Variants in DNAH9 observed in about 807,000 individuals in gnomAD.
The protein encoded by DNAH9 is dynein axonemal heavy chain 9.
DNAH9 carries 345 observed loss-of-function variants against 471.6 expected under a neutral mutation model. The observed-to-expected ratio is 0.73, with a 90% CI of 0.67 to 0.80. The LOEUF (loss-of-function observed/expected upper bound fraction) is 0.80, where lower values mean the gene tolerates loss of function less well. DNAH9 is among the 30% of genes least tolerant of loss of function. DNAH9 has a pLI of 0.00. For synonymous variants in DNAH9, 2,093 were observed against 2,123.6 expected (o/e 0.99, Z 0.40); for missense variants, 5,407 against 5,609.2 (o/e 0.96, Z 1.15).
chr17:11,694,272 A>G (rs1403588221), intron 21 of DNAH9, 49 bp from the exon 22 acceptor site: 2 of 1,602,196 alleles, frequency 1.2e-6, no homozygotes, highest in Non-Finnish European at 1.7e-6. Context: ...ATGTGTATCC[A>G]TGGGTCTAGA....
chr17:11,651,166 A>T lies in DNAH9; in HGVS notation c.2195A>T (p.Tyr732Phe), dbSNP rs201954006. The T allele has an allele frequency of 1.2e-6, 2 of 1,614,172 alleles. No individual in the cohort carries two copies. Among genetic ancestry groups the T allele is most frequent in the African/African-American group, 2.7e-5 (2 of 75,056 alleles). Residue 732 changes from tyrosine (Y) to phenylalanine (F), a missense_variant, in exon 13 of 69, where the codon TAT (tyrosine) becomes TTT (phenylalanine). Physicochemically the swap from Tyr to Phe is conservative, Grantham distance 22 (BLOSUM62 3). Coordinates refer to ENST00000262442, the MANE Select transcript of DNAH9 (RefSeq NM_001372.4). ...GCCATGTTCTCCTCCAGGGATTTCT[A>T]TCGGCAGCTTGTGGCTAATTTAGAG... ...AAAMFSSRDF[Y>F]RQLVANLELM...
At chr17:11,833,774 T>C (rs1489533720) in intron 48 of DNAH9, among the ~76,000 whole-genome samples, 1 of 152,136 alleles carries the variant, frequency 6.6e-6, no homozygotes, top group Non-Finnish European at 1.5e-5. Flanking sequence ...TTGCTTCAGA[T>C]TATGGATCAG....
intron 42 of DNAH9, among the ~76,000 whole-genome samples, chr17:11,795,145 C>G (rs1413037338): frequency 1.3e-5 from 2 of 152,094 alleles, no homozygotes; most frequent in East Asian, 3.9e-4. Flanking sequence ...ACATATCATT[C>G]CCCAAATGTA....
intron 68 of DNAH9, among the ~76,000 whole-genome samples, chr17:11,964,736 C>T (rs1161596120): frequency 1.3e-5 from 2 of 152,148 alleles, no homozygotes; most frequent in Non-Finnish European, 2.9e-5. Flanking sequence ...CTCAACCCAA[C>T]CCCTAGCTTG....
At chr17:11,834,303 C>T (rs1276207625) in intron 48 of DNAH9, among the ~76,000 whole-genome samples, 22 of 108,640 alleles carry the variant, frequency 2.0e-4, no homozygotes, top group Non-Finnish European at 3.0e-4. Context: ...AATTCCAGTC[C>T]GGGTGACAGA....
chr17:11,832,285 C>T (rs1215556030), intron 48 of DNAH9, among the ~76,000 whole-genome samples: 2 of 152,116 alleles, frequency 1.3e-5, no homozygotes, highest in African/African-American at 2.4e-5. Flanking sequence ...TGGTTATTTA[C>T]CTTGGACCTG....
At position 11,812,182 on chromosome 17, in the gene DNAH9, G is replaced by A. The variant is rs543723649; in HGVS notation, c.8707+1813G>A. On this transcript the variant is annotated intron_variant, in intron 45 of 68. Transcript: ENST00000262442. ...TTTCTTGGCTCTTAAACCAAATGCAGCATCTACAAAACCACCTCTTCATCT... is the reference window on the plus strand; with the variant it reads ...TTTCTTGGCTCTTAAACCAAATGCAACATCTACAAAACCACCTCTTCATCT... Among the ~76,000 whole-genome samples, 186 of 150,580 alleles carry A rather than the reference G, an allele frequency of 1.2e-3. 1 individual carries two copies. Among genetic ancestry groups the A allele is most frequent in the Non-Finnish European group, 2.3e-3 (154 of 67,628 alleles).
intron 56 of DNAH9, among the ~76,000 whole-genome samples, chr17:11,886,220 A>T (rs1224880629): frequency 6.6e-6 from 1 of 152,142 alleles, no homozygotes. Flanking sequence ...GCTACTGGGG[A>T]GGCTGAGGCA....
intron 67 of DNAH9, among the ~76,000 whole-genome samples, chr17:11,947,535 ATAGTC>A (rs3859238): frequency 0.41 from 62,804 of 151,382 alleles, 14,112 homozygotes; most frequent in Middle Eastern, 0.54. Flanking sequence ...AAACTATAAA[ATAGTC>A]TAGTAATTTT....
Position 11,942,304 on chromosome 17 carries a change from TCAAGGCACTTCTG to T in DNAH9, c.12663_12675del (p.Ala4223LysfsTer6). On this transcript the variant is annotated frameshift_variant and splice_region_variant, in exon 67 of 69. Transcript: ENST00000262442. LOFTEE classifies it high-confidence loss of function. The stretch of plus-strand genomic sequence containing the variant: ...GCTGTGTTTCCTTCTGTGGGGCAGG[TCAAGGCACTTCTG>T]GAAGAAATATTGGAGCGGGTGACAG... 6.2e-7 allele frequency: 1 copy of T among 1,613,822 alleles called. No individual in the cohort carries two copies. Among genetic ancestry groups the T allele is most frequent in the Non-Finnish European group, 8.5e-7 (1 of 1,179,796 alleles).
chr17:11,938,524 C>T (rs1170342812), intron 66 of DNAH9, among the ~76,000 whole-genome samples: 1 of 150,394 alleles, frequency 6.6e-6, no homozygotes, highest in Non-Finnish European at 1.5e-5. Context: ...TTTTCTGAGA[C>T]AAGCTAACCA....
chr17:11,653,060 T>A, intron 14 of DNAH9, 58 bp downstream of exon 14: 2 of 1,568,592 alleles, frequency 1.3e-6, no homozygotes, highest in Non-Finnish European at 1.7e-6. Flanking sequence ...CATCAAAAAG[T>A]GTGTTTGGAT....
chr17:11,654,042 A>G (rs1040802574), intron 14 of DNAH9, among the ~76,000 whole-genome samples: 43 of 151,474 alleles, frequency 2.8e-4, no homozygotes, highest in Admixed American at 1.2e-3. Flanking sequence ...AAAAGGAATT[A>G]CTTAAGATTT....
chr17:11,854,441 A>G lies in DNAH9; in HGVS notation c.9933+13A>G, dbSNP rs1207562429. The G allele has an allele frequency of 6.2e-7, 1 of 1,603,370 alleles. No homozygotes were observed. The highest frequency in any genetic ancestry group is 1.1e-5 in the South Asian group (1 of 89,600). ...AGCCAAGATCGCTGTGAGTGACCCC[A>G]GAGCCCCTCACCCTGCTAGTCCGCC... is the stretch of plus-strand genomic sequence containing the variant. On this transcript the variant is annotated intron_variant, in intron 50 of 68. Transcript: ENST00000262442.
intron 26 of DNAH9, among the ~76,000 whole-genome samples, chr17:11,708,680 A>T: frequency 6.6e-6 from 1 of 152,158 alleles, no homozygotes; most frequent in East Asian, 1.9e-4. Context: ...CATTAGCAGG[A>T]AGGAGGTCCT....
At position 11,834,716 on chromosome 17, in the gene DNAH9, C is replaced by T; in HGVS notation, c.9325C>T (p.Gln3109Ter). 1 of 1,614,086 alleles carries T rather than the reference C, an allele frequency of 6.2e-7. No homozygotes were observed. Among genetic ancestry groups the T allele is most frequent in the Non-Finnish European group, 8.5e-7 (1 of 1,180,006 alleles). ...QKNEDADKLI[Q>*]VVGVETDKVS... ...AAATGAAGATGCAGACAAACTGATT[C>T]AGGTCGTGGGTGTGGAGACTGACAA... The change falls in exon 49 of 69, where the codon CAG becomes TAG. Residue 3109 changes from glutamine (Q) to a stop codon, truncating the protein, a stop_gained. Coordinates refer to ENST00000262442, the MANE Select transcript of DNAH9 (RefSeq NM_001372.4). LOFTEE classifies it high-confidence loss of function.
At chr17:11,809,080 GTTGATACACCAAAGGAACTGAGA>G (rs1012407883) in intron 44 of DNAH9, among the ~76,000 whole-genome samples, 3 of 152,174 alleles carry the variant, frequency 2.0e-5, no homozygotes, top group African/African-American at 4.8e-5. Context: ...GCTTGGGGAG[GTTGATACACCAAAGGAACTGAGA>G]TTGATCAAGC....
In DNAH9 at chr17:11,705,157, C is replaced by G; in HGVS notation, c.5524C>G (p.Arg1842Gly). The change falls in exon 26 of 69, where the codon CGC becomes GGC. Residue 1842 changes from arginine (R) to glycine (G), a missense_variant. Physicochemically the swap from Arg to Gly is moderately radical, Grantham distance 125 (BLOSUM62 -2). Transcript: ENST00000262442. The stretch of plus-strand genomic sequence containing the variant: ...CTATGAGTACCTGGGAAACACACCT[C>G]GCTTGGTGATCACACCTTTGACTGA... ...YSYEYLGNTP[R>G]LVITPLTDRC... is the part of the protein sequence containing the mutation. The G allele has an allele frequency of 6.2e-7, 1 of 1,614,178 alleles. No individual in the cohort carries two copies. The highest frequency in any genetic ancestry group is 1.3e-5 in the African/African-American group (1 of 75,054).
chr17:11,634,739 T>G (rs2073129192), intron 8 of DNAH9, among the ~76,000 whole-genome samples: 1 of 152,144 alleles, frequency 6.6e-6, no homozygotes, highest in Non-Finnish European at 1.5e-5. Context: ...GGAAATCCAG[T>G]CAAACTGTCA....
Sources: gnomAD v4.1 joint callset for allele counts (sites outside exome capture counted in the v4.1 genomes callset) on GRCh38, gnomAD v4.1.1 for gene constraint, MANE v1.5 for transcripts, NCBI Gene and HGNC (gene_info 2026-07-23, HGNC 2026-07-21) for gene names.